Variants in PRKAR1A observed in about 807,000 individuals in gnomAD.
The protein encoded by PRKAR1A is cAMP-dependent protein kinase type I-alpha regulatory subunit.
PRKAR1A carries 3 observed loss-of-function variants against 52.0 expected under a neutral mutation model. The observed-to-expected ratio is 0.06, with a 90% CI of 0.03 to 0.15. PRKAR1A has a LOEUF of 0.15. Ranked by LOEUF, PRKAR1A falls within the 10% of genes least tolerant of loss-of-function variation. PRKAR1A has a pLI of 1.00. For synonymous variants in PRKAR1A, 188 were observed against 168.4 expected (o/e 1.12, Z -0.90); for missense variants, 240 against 477.4 (o/e 0.50, Z 4.63).
At chr17:68,427,231 C>T in the PRKAR1A span, 1 of 1,614,122 alleles carries the variant, frequency 6.2e-7, no homozygotes. Flanking sequence ...TTATTCTCTT[C>T]TGTTGTTCCT....
At chr17:68,444,371 CCTCA>C in the PRKAR1A span, 1 of 833,008 alleles carries the variant, frequency 1.2e-6, no homozygotes, top group Non-Finnish European at 2.0e-6. Context: ...TCGAGATAAA[CCTCA>C]CTAAGACTCA....
At chr17:68,547,533 A>G (rs1213251552) in intron 11 of PRKAR1A, among the ~76,000 whole-genome samples, 2 of 152,234 alleles carry the variant, frequency 1.3e-5, no homozygotes, top group East Asian at 1.9e-4. Context: ...CTTCTCCATC[A>G]GCACTTACTG....
intron 11 of PRKAR1A, chr17:68,542,814 A>C: frequency 6.2e-7 from 1 of 1,605,564 alleles, no homozygotes; most frequent in East Asian, 2.2e-5. Flanking sequence ...AGAATCCTGC[A>C]AGAGAGGAAG....
intron 1 of PRKAR1A, among the ~76,000 whole-genome samples, chr17:68,514,124 T>G (rs1033237521): frequency 6.6e-6 from 1 of 152,244 alleles, no homozygotes; most frequent in Non-Finnish European, 1.5e-5. Flanking sequence ...GGCTTCTAAT[T>G]TATGTGCTTG....
At chr17:68,536,212 ACT>A (rs768670790), downstream of PRKAR1A, 7 of 453,850 alleles carry the variant, frequency 1.5e-5, no homozygotes, top group South Asian at 1.1e-4. Context: ...TTGACCTTGT[ACT>A]CTCTTTAGTG....
chr17:68,504,009 T>C, the PRKAR1A span, among the ~76,000 whole-genome samples: 2 of 152,166 alleles, frequency 1.3e-5, no homozygotes, highest in African/African-American at 4.8e-5. Flanking sequence ...ATAATAAAGC[T>C]ACCATATTAT....
chr17:68,421,263 A>G, the PRKAR1A span: 140 of 67,618 alleles, frequency 2.1e-3, 1 homozygote, highest in Non-Finnish European at 4.6e-3. Context: ...ACAAAAAAAT[A>G]TATAAAAACC....
At chr17:68,455,559 A>G in the PRKAR1A span, among the ~76,000 whole-genome samples, 1 of 152,180 alleles carries the variant, frequency 6.6e-6, no homozygotes, top group Non-Finnish European at 1.5e-5. Flanking sequence ...GACTTATTTT[A>G]AAATCCAATG....
chr17:68,488,587 T>G, the PRKAR1A span, among the ~76,000 whole-genome samples: 1 of 151,760 alleles, frequency 6.6e-6, no homozygotes, highest in Non-Finnish European at 1.5e-5. Flanking sequence ...AAAAATTATC[T>G]GGATGATGTG....
the PRKAR1A span, among the ~76,000 whole-genome samples, chr17:68,465,063 C>G: frequency 6.7e-6 from 1 of 148,834 alleles, no homozygotes; most frequent in Non-Finnish European, 1.5e-5. Flanking sequence ...GTAGCTGGGA[C>G]TACAGGCGCC....
the PRKAR1A span, among the ~76,000 whole-genome samples, chr17:68,417,730 T>C: frequency 7.4e-6 from 1 of 135,610 alleles, no homozygotes; most frequent in Middle Eastern, 3.6e-3. Flanking sequence ...TAAGAGTTGC[T>C]GAATTTTTTT....
At chr17:68,430,210 C>T in the PRKAR1A span, 51 of 1,553,740 alleles carry the variant, frequency 3.3e-5, 1 homozygote, top group East Asian at 5.2e-4. Context: ...AGGCCCCACA[C>T]GCACCCAGGA....
the PRKAR1A span, among the ~76,000 whole-genome samples, chr17:68,437,016 A>ATGTGTGTGTGTGTGTG: frequency 5.4e-3 from 787 of 144,644 alleles, 12 homozygotes; most frequent in African/African-American, 0.018. Context: ...ATATATATAT[A>ATGTGTGTGTGTGTGTG]TGTGTGTGTG....
At chr17:68,509,411 C>T (rs1173771071), upstream of PRKAR1A, among the ~76,000 whole-genome samples, 1 of 152,144 alleles carries the variant, frequency 6.6e-6, no homozygotes, top group African/African-American at 2.4e-5. Context: ...AGGAAGCCTC[C>T]AGCCTGGGCC....
chr17:68,521,575 C>G (rs1177858883), intron 2 of PRKAR1A, among the ~76,000 whole-genome samples: 1 of 152,148 alleles, frequency 6.6e-6, no homozygotes, highest in Admixed American at 6.5e-5. Flanking sequence ...GAGTTTTATA[C>G]CTGTGTTAAT....
At chr17:68,469,139 A>T in the PRKAR1A span, among the ~76,000 whole-genome samples, 5 of 152,150 alleles carry the variant, frequency 3.3e-5, no homozygotes, top group East Asian at 1.9e-4. Context: ...TCATTTTTTT[A>T]AAAAAAGAGA....
the PRKAR1A span, among the ~76,000 whole-genome samples, chr17:68,454,114 G>C: frequency 6.6e-6 from 1 of 152,170 alleles, no homozygotes; most frequent in African/African-American, 2.4e-5. Flanking sequence ...AGGAGATAAA[G>C]ACAGGACGTG....
the PRKAR1A span, among the ~76,000 whole-genome samples, chr17:68,501,888 G>A: frequency 1.3e-5 from 2 of 152,216 alleles, no homozygotes; most frequent in African/African-American, 2.4e-5. Flanking sequence ...CTCTGATTCA[G>A]TGAATAGCAG....
At chr17:68,489,383 G>GTA in the PRKAR1A span, among the ~76,000 whole-genome samples, 14 of 38,464 alleles carry the variant, frequency 3.6e-4, no homozygotes, top group African/African-American at 7.7e-4. Flanking sequence ...TATATGGAAA[G>GTA]TATATATATA....
Sources: gnomAD v4.1 joint callset for allele counts (sites outside exome capture counted in the v4.1 genomes callset) on GRCh38, gnomAD v4.1.1 for gene constraint, MANE v1.5 for transcripts, NCBI Gene and HGNC (gene_info 2026-07-23, HGNC 2026-07-21) for gene names.